MTRF1: variants seen among roughly 807,000 people sequenced by gnomAD.
MTRF1 encodes the protein peptide chain release factor 1, mitochondrial.
In MTRF1, 51 loss-of-function variants were observed where a neutral mutation model predicts 62.9. That is an observed-to-expected ratio of 0.81 (90% CI 0.65 to 1.02). The LOEUF (loss-of-function observed/expected upper bound fraction) is 1.02. Among genes scored for constraint, MTRF1 ranks in the 50% least tolerant of loss-of-function variants. The pLI, the probability that MTRF1 is intolerant of heterozygous loss-of-function variation, is 0.00. For synonymous variants in MTRF1, 158 were observed against 181.9 expected, an observed-to-expected ratio of 0.87 and a Z score of 1.06; for missense variants, 446 against 530.0, an observed-to-expected ratio of 0.84 and a Z score of 1.56.
intron 5 of MTRF1, among the ~76,000 whole-genome samples, chr13:41,249,606 T>G (rs2038761348): frequency 6.8e-6 from 1 of 147,514 alleles, no homozygotes; most frequent in Non-Finnish European, 1.5e-5. Context: ...TTCTTAGTCT[T>G]TGATTTTTTT....
the MTRF1 span, among the ~76,000 whole-genome samples, chr13:41,296,732 T>C: frequency 6.6e-6 from 1 of 151,964 alleles, no homozygotes; most frequent in East Asian, 1.9e-4. Context: ...TTTGTATGAA[T>C]ATGTTATTAA....
chr13:41,311,268 C>T, the MTRF1 span: 1 of 550,786 alleles, frequency 1.8e-6, no homozygotes, highest in South Asian at 2.3e-5. Context: ...TGCCATCTTG[C>T]AGTGCGCGGG....
chr13:41,297,573 A>T, the MTRF1 span, among the ~76,000 whole-genome samples: 92 of 150,408 alleles, frequency 6.1e-4, no homozygotes, highest in African/African-American at 2.0e-3. Context: ...ACTACTTTTA[A>T]TTGCTTTTTT....
the MTRF1 span, among the ~76,000 whole-genome samples, chr13:41,310,142 A>C: frequency 6.6e-6 from 1 of 152,256 alleles, no homozygotes; most frequent in Non-Finnish European, 1.5e-5. Flanking sequence ...TAATGTTTAC[A>C]CACACCTTAC....
chr13:41,226,556 TCTA>T lies in MTRF1; in HGVS notation c.998_1000del (p.Val333del). 2 of 1,613,794 alleles carry T rather than the reference TCTA, an allele frequency of 1.2e-6. No individual in the cohort carries two copies. The highest frequency in any genetic ancestry group is 1.7e-6 in the Non-Finnish European group (2 of 1,179,958). ...TATCTGTGATCTTTCTTGTTGGCAT[TCTA>T]CTACTAGCCCTGAAAAATAACAGGG... is the stretch of plus-strand genomic sequence containing the variant. On this transcript the variant is annotated inframe_deletion, in exon 8 of 10. Coordinates refer to ENST00000379480, the MANE Select transcript of MTRF1 (RefSeq NM_004294.4).
chr13:41,251,363 T>C (rs1470672444), intron 5 of MTRF1, among the ~76,000 whole-genome samples: 1 of 152,202 alleles, frequency 6.6e-6, no homozygotes, highest in East Asian at 1.9e-4. Context: ...ATATATCTTA[T>C]CAAATCATAT....
At chr13:41,233,382 G>A (rs1382525182) in intron 7 of MTRF1, among the ~76,000 whole-genome samples, 11 of 152,120 alleles carry the variant, frequency 7.2e-5, no homozygotes, top group Admixed American at 5.9e-4. Context: ...TACATGAAAT[G>A]TAAAAATTAA....
chr13:41,284,543 CAAAAA>C, the MTRF1 span, among the ~76,000 whole-genome samples: 1 of 70,652 alleles, frequency 1.4e-5, no homozygotes, highest in Admixed American at 1.5e-4. Flanking sequence ...GACCGTGTCT[CAAAAA>C]AAAAAAAAAA....
upstream of MTRF1, among the ~76,000 whole-genome samples, chr13:41,267,727 G>A (rs1243034045): frequency 6.6e-6 from 1 of 151,986 alleles, no homozygotes; most frequent in Admixed American, 6.6e-5. Context: ...TTAGCCAGGT[G>A]TGGTTCTGTG....
intron 5 of MTRF1, 129 bp from the exon 6 acceptor site, chr13:41,240,562 A>ACC: frequency 2.9e-6 from 2 of 699,260 alleles, no homozygotes; most frequent in Non-Finnish European, 4.2e-6. Flanking sequence ...GCATGGGAGA[A>ACC]CGAGGGCCTC....
At chr13:41,302,006 CAGA>C in the MTRF1 span, among the ~76,000 whole-genome samples, 2 of 152,004 alleles carry the variant, frequency 1.3e-5, no homozygotes, top group African/African-American at 4.8e-5. Flanking sequence ...TAAGAAATTC[CAGA>C]AGGAGTCTTT....
chr13:41,257,424 C>G (rs1281457203), intron 2 of MTRF1, among the ~76,000 whole-genome samples: 2 of 152,168 alleles, frequency 1.3e-5, no homozygotes, highest in Non-Finnish European at 2.9e-5. Flanking sequence ...AGCTACATCA[C>G]AAAGGTAGAC....
chr13:41,218,431 T>A (rs1303702113), intron 9 of MTRF1, among the ~76,000 whole-genome samples: 3 of 151,812 alleles, frequency 2.0e-5, no homozygotes, highest in Non-Finnish European at 4.4e-5. Context: ...GCTGACCCAA[T>A]CTTTAAACAT....
chr13:41,231,016 G>GC (rs2035460390), intron 7 of MTRF1, among the ~76,000 whole-genome samples: 1 of 152,162 alleles, frequency 6.6e-6, no homozygotes, highest in Non-Finnish European at 1.5e-5. Flanking sequence ...GTGAGCCACT[G>GC]CACCTGGCCC....
intron 2 of MTRF1, among the ~76,000 whole-genome samples, chr13:41,259,715 A>C (rs10467471): frequency 6.6e-6 from 1 of 150,488 alleles, no homozygotes; most frequent in East Asian, 1.9e-4. Context: ...AAAAAAAAAA[A>C]AAAAAACATA....
the MTRF1 span, among the ~76,000 whole-genome samples, chr13:41,309,058 A>G: frequency 6.6e-6 from 1 of 152,136 alleles, no homozygotes; most frequent in South Asian, 2.1e-4. Flanking sequence ...ACATGGTCTC[A>G]TTCTTTTTTG....
At chr13:41,278,314 A>C in the MTRF1 span, among the ~76,000 whole-genome samples, 2 of 152,194 alleles carry the variant, frequency 1.3e-5, no homozygotes, top group African/African-American at 4.8e-5. Flanking sequence ...GCAAGGGAGG[A>C]ATATAGGGTT....
the MTRF1 span, among the ~76,000 whole-genome samples, chr13:41,301,146 A>G: frequency 1.3e-5 from 2 of 152,226 alleles, no homozygotes; most frequent in Non-Finnish European, 2.9e-5. Context: ...GAAAGGAGAG[A>G]TAGGAGAGAG....
chr13:41,304,453 T>C, the MTRF1 span, among the ~76,000 whole-genome samples: 3 of 152,166 alleles, frequency 2.0e-5, no homozygotes, highest in African/African-American at 7.2e-5. Context: ...GCAGATATTT[T>C]TGACTGTTAG....
Sources: allele counts gnomAD v4.1 joint callset (sites outside exome capture counted in the v4.1 genomes callset), GRCh38; gene constraint gnomAD v4.1.1; transcripts MANE v1.5; gene names NCBI Gene and HGNC (gene_info 2026-07-23, HGNC 2026-07-21).